Variants in GALNT10 observed in about 807,000 individuals in gnomAD.
GALNT10 encodes the protein GalNAc transferase 10.
GALNT10 carries 41 observed loss-of-function variants against 75.0 expected under a neutral mutation model. The ratio of observed to expected loss-of-function variants is 0.55; its 90% CI spans 0.43 to 0.71. GALNT10 has a LOEUF of 0.71. Ranked by LOEUF, GALNT10 falls within the 30% of genes least tolerant of loss-of-function variation. The pLI, the probability that GALNT10 is intolerant of heterozygous loss-of-function variation, is 0.00. For missense variants in GALNT10, 727 were observed against 818.5 expected (o/e 0.89, Z 1.36); for synonymous variants, 302 against 313.0 (o/e 0.96, Z 0.37).
intron 2 of GALNT10, among the ~76,000 whole-genome samples, chr5:154,297,722 G>A (rs1037744974): frequency 2.6e-5 from 4 of 152,172 alleles, no homozygotes; most frequent in East Asian, 3.8e-4. Flanking sequence ...TGTCCACCCC[G>A]CAGAGCTGCT....
chr5:154,255,954 T>G (rs1216369548), intron 1 of GALNT10, among the ~76,000 whole-genome samples: 1 of 152,084 alleles, frequency 6.6e-6, no homozygotes, highest in African/African-American at 2.4e-5. Context: ...TTTTTTAGTT[T>G]ATCATAGACT....
chr5:154,193,354 C>T (rs1166883561), intron 1 of GALNT10, among the ~76,000 whole-genome samples: 1 of 152,216 alleles, frequency 6.6e-6, no homozygotes, highest in East Asian at 1.9e-4. Context: ...CCCACAGATG[C>T]AGAGCACTGG....
At chr5:154,240,947 A>G (rs540936592) in intron 1 of GALNT10, among the ~76,000 whole-genome samples, 586 of 152,240 alleles carry the variant, frequency 3.8e-3, no homozygotes, top group Non-Finnish European at 7.0e-3. Flanking sequence ...AATTGTGGAG[A>G]TCAAATAAGG....
intron 7 of GALNT10, among the ~76,000 whole-genome samples, chr5:154,397,781 G>A (rs1173276506): frequency 6.6e-6 from 1 of 152,216 alleles, no homozygotes; most frequent in Non-Finnish European, 1.5e-5. Flanking sequence ...CAGGTCGGGT[G>A]CCGTGCCATT....
chr5:154,363,201 T>C (rs1161295540), intron 4 of GALNT10, among the ~76,000 whole-genome samples: 5 of 152,100 alleles, frequency 3.3e-5, no homozygotes, highest in African/African-American at 9.7e-5. Flanking sequence ...GGGTGAGAAA[T>C]AGAGCAAACT....
intron 1 of GALNT10, among the ~76,000 whole-genome samples, chr5:154,257,277 T>C (rs370199578): frequency 1.2e-4 from 18 of 152,280 alleles, no homozygotes; most frequent in African/African-American, 4.1e-4. Context: ...CTTGCTGACA[T>C]TGAAACCAGT....
chr5:154,340,940 T>A (rs1316077031), intron 4 of GALNT10, among the ~76,000 whole-genome samples: 2 of 152,188 alleles, frequency 1.3e-5, no homozygotes, highest in African/African-American at 4.8e-5. Flanking sequence ...TTATTTCAAA[T>A]TTTTTTAAAA....
At chr5:154,399,538 C>T (rs771979328) in intron 7 of GALNT10, among the ~76,000 whole-genome samples, 4 of 152,198 alleles carry the variant, frequency 2.6e-5, no homozygotes, top group Admixed American at 6.5e-5. Flanking sequence ...AAGGAAACCT[C>T]GGGCTCCCTG....
At chr5:154,263,354 A>G (rs1330644728) in intron 1 of GALNT10, among the ~76,000 whole-genome samples, 3 of 152,220 alleles carry the variant, frequency 2.0e-5, no homozygotes. Context: ...TACAACATGG[A>G]TGAACCTTGA....
chr5:154,222,707 G>T (rs1413034244), intron 1 of GALNT10, among the ~76,000 whole-genome samples: 1 of 152,156 alleles, frequency 6.6e-6, no homozygotes, highest in Non-Finnish European at 1.5e-5. Flanking sequence ...TTTACATTCT[G>T]CCATGAAGAG....
intron 1 of GALNT10, among the ~76,000 whole-genome samples, chr5:154,219,846 A>G (rs1418564011): frequency 6.6e-6 from 1 of 150,428 alleles, no homozygotes; most frequent in Non-Finnish European, 1.5e-5. Context: ...TCTCACACAC[A>G]CACACACACA....
chr5:154,275,626 C>T (rs1326029162), intron 1 of GALNT10, among the ~76,000 whole-genome samples: 2 of 152,224 alleles, frequency 1.3e-5, no homozygotes, highest in Non-Finnish European at 2.9e-5. Context: ...CCAGGTGGGT[C>T]AGCAGGGGCC....
intron 4 of GALNT10, among the ~76,000 whole-genome samples, chr5:154,343,486 G>A (rs535180373): frequency 5.3e-5 from 8 of 152,264 alleles, no homozygotes; most frequent in Admixed American, 1.3e-4. Context: ...TTCAAGTTGG[G>A]CCGGCCTTGT....
intron 1 of GALNT10, among the ~76,000 whole-genome samples, chr5:154,226,827 C>G (rs1359798246): frequency 6.6e-6 from 1 of 152,082 alleles, no homozygotes; most frequent in Non-Finnish European, 1.5e-5. Flanking sequence ...GCATTTGTAA[C>G]CTCTCCCTCC....
intron 1 of GALNT10, among the ~76,000 whole-genome samples, chr5:154,225,301 C>G (rs147176042): frequency 6.6e-6 from 1 of 151,842 alleles, no homozygotes; most frequent in South Asian, 2.1e-4. Context: ...ACCCTGTTAG[C>G]CAGAATCGTC....
At chr5:154,269,326 TC>T (rs1443868961) in intron 1 of GALNT10, among the ~76,000 whole-genome samples, 2 of 152,186 alleles carry the variant, frequency 1.3e-5, no homozygotes, top group African/African-American at 4.8e-5. Context: ...TTCTACTACA[TC>T]CCAACATTAT....
intron 6 of GALNT10, among the ~76,000 whole-genome samples, chr5:154,380,877 T>C (rs1419501385): frequency 6.6e-6 from 1 of 152,102 alleles, no homozygotes; most frequent in Non-Finnish European, 1.5e-5. Context: ...TTTGCCAGGA[T>C]TGTCAGCAGG....
At chr5:154,288,069 G>A (rs750391661) in intron 1 of GALNT10, among the ~76,000 whole-genome samples, 7 of 152,096 alleles carry the variant, frequency 4.6e-5, no homozygotes, top group Non-Finnish European at 8.8e-5. Flanking sequence ...CCTTTGTAGG[G>A]TTCTTTGAGA....
intron 1 of GALNT10, among the ~76,000 whole-genome samples, chr5:154,199,384 C>T (rs931152890): frequency 2.6e-5 from 4 of 152,112 alleles, no homozygotes; most frequent in Non-Finnish European, 4.4e-5. Context: ...CTTCAGGACC[C>T]GCCCTTGAAC....
Sources: allele counts gnomAD v4.1 joint callset (sites outside exome capture counted in the v4.1 genomes callset), GRCh38; gene constraint gnomAD v4.1.1; transcripts MANE v1.5; gene names NCBI Gene and HGNC (gene_info 2026-07-23, HGNC 2026-07-21).